PLCE1: variants seen among roughly 807,000 people sequenced by gnomAD.
PLCE1 encodes the protein phospholipase C epsilon 1, also known as 1-phosphatidylinositol 4,5-bisphosphate phosphodiesterase epsilon-1.
PLCE1 carries 119 observed loss-of-function variants against 242.8 expected under a neutral mutation model. The observed-to-expected ratio is 0.49, with a 90% CI of 0.42 to 0.57. The LOEUF (loss-of-function observed/expected upper bound fraction) is 0.57. Ranked by LOEUF, PLCE1 falls within the 20% of genes least tolerant of loss-of-function variation. PLCE1 has a pLI of 0.00. For synonymous variants in PLCE1, 945 were observed against 1,017.4 expected, an observed-to-expected ratio of 0.93 and a Z score of 1.35; for missense variants, 2,441 against 2,788.8, an observed-to-expected ratio of 0.88 and a Z score of 2.81.
rs374201007 is a variant in PLCE1, at chr10:94,306,490, G to A, written c.5686G>A (p.Val1896Ile). 13 of 1,613,982 alleles carry A rather than the reference G, an allele frequency of 8.1e-6. No individual in the cohort carries two copies. Among genetic ancestry groups the A allele is most frequent in the Middle Eastern group, 1.6e-4 (1 of 6,084 alleles). The change falls in exon 26 of 33, where the codon GTC becomes ATC. Residue 1896 changes from valine (V) to isoleucine (I), a missense_variant. Val to Ile is a conservative substitution (Grantham distance 29). Transcript: ENST00000371380. This position sits in a 1 kb window ranked among gnomAD's most constrained non-coding sequence, Gnocchi z 5.7. ...SMGSPCIEVD[V>I]LGMPLDSCHF... ...GGGAAGCCCGTGCATTGAAGTCGACGTCCTGGGCATGCCTCTGGACAGCTG... is the reference window on the plus strand; with the variant it reads ...GGGAAGCCCGTGCATTGAAGTCGACATCCTGGGCATGCCTCTGGACAGCTG...
intron 2 of PLCE1, among the ~76,000 whole-genome samples, chr10:94,131,971 A>G (rs146804909): frequency 6.6e-6 from 1 of 152,316 alleles, no homozygotes; most frequent in Non-Finnish European, 1.5e-5. Context: ...TGAATGACCT[A>G]TTTTATAACT....
intron 1 of PLCE1, among the ~76,000 whole-genome samples, chr10:94,023,577 TATG>T (rs2134400790): frequency 6.6e-6 from 1 of 152,270 alleles, no homozygotes; most frequent in South Asian, 2.1e-4. Flanking sequence ...CTGGGAGAGT[TATG>T]ATGATTTGCA....
intron 3 of PLCE1, among the ~76,000 whole-genome samples, chr10:94,165,642 AG>A (rs1260928541): frequency 2.0e-5 from 3 of 152,188 alleles, no homozygotes; most frequent in Admixed American, 2.0e-4. Context: ...GGCCAAAAAA[AG>A]CTGAACCAGG....
At chr10:94,231,684 CG>C (rs1315894231) in intron 5 of PLCE1, among the ~76,000 whole-genome samples, 3 of 145,646 alleles carry the variant, frequency 2.1e-5, no homozygotes, top group Non-Finnish European at 3.0e-5. Context: ...TCCACAGACT[CG>C]GGGTGTGGGG....
At chr10:94,143,927 T>G (rs1437372498) in intron 3 of PLCE1, among the ~76,000 whole-genome samples, 2 of 152,244 alleles carry the variant, frequency 1.3e-5, no homozygotes, top group Non-Finnish European at 2.9e-5. Context: ...CTTTGAATTT[T>G]ACAGTCACCA....
chr10:94,136,907 T>C (rs1232988885), intron 3 of PLCE1, among the ~76,000 whole-genome samples: 1 of 152,204 alleles, frequency 6.6e-6, no homozygotes, highest in Non-Finnish European at 1.5e-5. Context: ...ATTAAGATCC[T>C]TCTGGCCGGG....
At chr10:94,261,191 T>C (rs537480879) in intron 13 of PLCE1, among the ~76,000 whole-genome samples, 1 of 152,306 alleles carries the variant, frequency 6.6e-6, no homozygotes, top group South Asian at 2.1e-4. Flanking sequence ...CACTGCTCTT[T>C]TTATTATCTC....
rs912098245 is a variant in PLCE1, at chr10:94,332,725, T to C, written c.*4782T>C. 6.6e-6 allele frequency: 1 copy of C among 152,208 alleles called. No homozygotes were observed. The highest frequency in any genetic ancestry group is 1.5e-5 in the Non-Finnish European group (1 of 68,040). The allele number at this position is 152,208 out of a possible 1,614,324, so 9.4% of individuals were successfully genotyped here. ...CTGTGAAATAGCTGATGAGTTTCTATTTTAAGCTGATTTTTCACCAGAAGT... is the reference window on the plus strand; with the variant it reads ...CTGTGAAATAGCTGATGAGTTTCTACTTTAAGCTGATTTTTCACCAGAAGT... On this transcript the variant is annotated 3_prime_UTR_variant, in exon 33 of 33. Transcript: ENST00000371380.
chr10:93,997,951 G>A (rs931454095), intron 1 of PLCE1, among the ~76,000 whole-genome samples: 3 of 152,200 alleles, frequency 2.0e-5, no homozygotes, highest in African/African-American at 7.2e-5. Flanking sequence ...CTGTTATGGG[G>A]TGGAGGGTGG....
In PLCE1 at chr10:94,246,065, C is replaced by G; in HGVS notation, c.2540C>G (p.Pro847Arg). 6.2e-7 allele frequency: 1 copy of G among 1,614,172 alleles called. No homozygotes were observed. Among genetic ancestry groups the G allele is most frequent in the South Asian group, 1.1e-5 (1 of 91,084 alleles). The change falls in exon 8 of 33, where the codon CCT (proline) becomes CGT (arginine). Residue 847 changes from proline to arginine, a missense_variant. Pro to Arg is a moderately radical substitution (Grantham distance 103). Transcript: ENST00000371380. Reference sequence around the variant, plus strand: ...TTCGACCATGGGACGGAGCTCATCCCTTGGTACGTGCTGTCCATCCAAGCC... The same window carrying G: ...TTCGACCATGGGACGGAGCTCATCCGTTGGTACGTGCTGTCCATCCAAGCC... Reference protein sequence around the residue: ...KAFDHGTELIPWYVLSIQADV... With the variant: ...KAFDHGTELIRWYVLSIQADV...
At chr10:94,130,061 C>A (rs2046551867) in intron 2 of PLCE1, among the ~76,000 whole-genome samples, 1 of 152,226 alleles carries the variant, frequency 6.6e-6, no homozygotes, top group South Asian at 2.1e-4. Flanking sequence ...TTAAGCCTTC[C>A]TTAGCCATCA....
Position 94,270,558 on chromosome 10 carries a change from C to T in PLCE1, c.4462C>T (p.His1488Tyr). Residue 1488 changes from histidine to tyrosine, a missense_variant, in exon 18 of 33, where the codon CAC becomes TAC. By Grantham distance (83) the His-to-Tyr change is moderately conservative. Coordinates refer to ENST00000371380, the MANE Select transcript of PLCE1 (RefSeq NM_016341.4). ...GCCAATCATCATATCGATTGAGAAC[C>T]ACTGTTCATTGCCTCAGCAACGAAA... The part of the protein sequence containing the change: ...DLPIIISIEN[H>Y]CSLPQQRKMA... The T allele has an allele frequency of 6.2e-7, 1 of 1,613,850 alleles. No homozygotes were observed. Among genetic ancestry groups the T allele is most frequent in the South Asian group, 1.1e-5 (1 of 91,078 alleles).
intron 4 of PLCE1, among the ~76,000 whole-genome samples, chr10:94,193,583 A>C (rs1016269198): frequency 1.3e-5 from 2 of 152,212 alleles, no homozygotes; most frequent in Non-Finnish European, 2.9e-5. Flanking sequence ...TGTTTATACA[A>C]TGTGCAGAAA....
intron 2 of PLCE1, among the ~76,000 whole-genome samples, chr10:94,042,980 C>T (rs548953632): frequency 1.3e-5 from 2 of 152,258 alleles, no homozygotes; most frequent in South Asian, 4.2e-4. Flanking sequence ...GACCAACCGA[C>T]CTAAGTATGA....
intron 3 of PLCE1, among the ~76,000 whole-genome samples, chr10:94,152,719 G>T (rs143407503): frequency 9.8e-5 from 15 of 152,298 alleles, no homozygotes; most frequent in African/African-American, 3.4e-4. Context: ...AATATGCTTA[G>T]ATAGCTAAGC....
At chr10:94,219,822 A>G in intron 4 of PLCE1, among the ~76,000 whole-genome samples, 1 of 152,218 alleles carries the variant, frequency 6.6e-6, no homozygotes, top group East Asian at 1.9e-4. Flanking sequence ...AAATAGTGCC[A>G]TCCTTGAAAG....
rs1195827444 is a variant in PLCE1, at chr10:94,128,177, G to A, written c.1207-3997G>A. On this transcript the variant is annotated intron_variant, in intron 2 of 32. Transcript: ENST00000371380. ...TCATTTTTGTATTTTTAGTAGAGAC[G>A]GGGTTTTACCGTGTTGGTCAGGCTG... Among the ~76,000 whole-genome samples, 9 of 152,064 alleles carry A rather than the reference G, an allele frequency of 5.9e-5. No individual in the cohort carries two copies. The South Asian group carries it at 6.2e-4, about 11-fold the overall frequency.
intron 24 of PLCE1, among the ~76,000 whole-genome samples, chr10:94,301,708 A>G (rs956395130): frequency 6.6e-6 from 1 of 151,830 alleles, no homozygotes; most frequent in African/African-American, 2.4e-5. Flanking sequence ...AATAAAACCA[A>G]CTCTTGAGTT....
At chr10:94,279,611 G>C (rs2052116172) in intron 19 of PLCE1, 171 bp from the exon 20 acceptor site, 5 of 679,604 alleles carry the variant, frequency 7.4e-6, no homozygotes, top group South Asian at 7.0e-5. Context: ...GTTCACCCAA[G>C]TGTTGACATT....
Sources: allele counts gnomAD v4.1 joint callset (sites outside exome capture counted in the v4.1 genomes callset), GRCh38; gene constraint gnomAD v4.1.1; non-coding constraint Gnocchi (gnomAD v3.1); transcripts MANE v1.5; gene names NCBI Gene and HGNC (gene_info 2026-07-23, HGNC 2026-07-21).